The following KDM4C variants were observed in gnomAD, a reference collection of about 807,000 sequenced individuals.
The protein encoded by KDM4C is lysine-specific demethylase 4C.
A neutral mutation model predicts 129.3 loss-of-function variants in KDM4C; 81 were observed. The observed-to-expected ratio is 0.63, with a 90% confidence interval of 0.52 to 0.75. KDM4C has a LOEUF of 0.75. Among genes scored for constraint, KDM4C ranks in the 30% least tolerant of loss-of-function variants. KDM4C has a pLI of 0.00. For synonymous variants in KDM4C, 573 were observed against 456.1 expected, an observed-to-expected ratio of 1.26 and a Z score of -3.26; for missense variants, 1,457 against 1,304.0, an observed-to-expected ratio of 1.12 and a Z score of -1.81.
At chr9:7,052,894 A>AGAGAGAGAGAGAGCGAGAGC (rs1339242817) in intron 17 of KDM4C, among the ~76,000 whole-genome samples, 4 of 105,466 alleles carry the variant, frequency 3.8e-5, no homozygotes, top group South Asian at 7.5e-4. Context: ...AGAGAGAGAG[A>AGAGAGAGAGAGAGCGAGAGC]GAGAGAGCGA....
rs772278177 is a variant in KDM4C, at chr9:7,049,171, G to A, written c.2395G>A (p.Gly799Ser). 1 of 1,609,292 alleles carries A rather than the reference G, an allele frequency of 6.2e-7. No homozygotes were observed. Among genetic ancestry groups the A allele is most frequent in the Admixed American group, 1.7e-5 (1 of 59,874 alleles). Residue 799 changes from glycine (G) to serine (S), a missense_variant, in exon 17 of 22, where the codon GGC (glycine) becomes AGC (serine). By Grantham distance (56) the Gly-to-Ser change is moderately conservative (BLOSUM62 0). Coordinates refer to ENST00000381309, the MANE Select transcript of KDM4C (RefSeq NM_015061.6). Reference protein sequence around the residue: ...NVPERTQIDVGRIPLQRLKLK... With the variant: ...NVPERTQIDVSRIPLQRLKLK... The stretch of plus-strand genomic sequence containing the variant: ...CCCAGAAAGGACACAAATAGATGTA[G>A]GCAGAATACCTTTACAGAGGTTAAA...
upstream of KDM4C, among the ~76,000 whole-genome samples, chr9:6,755,257 G>C (rs113455905): frequency 3.6e-3 from 555 of 152,318 alleles, 3 homozygotes; most frequent in African/African-American, 0.013. Context: ...TGTAGTCCCA[G>C]CTACTTGGGA....
At chr9:6,862,061 C>T (rs113993096) in intron 5 of KDM4C, among the ~76,000 whole-genome samples, 2,342 of 152,206 alleles carry the variant, frequency 0.015, 65 homozygotes, top group African/African-American at 0.053. Flanking sequence ...TGTGAGCCAA[C>T]GCGCCTGACC....
chr9:6,981,766 AC>A lies in KDM4C; in HGVS notation c.1115+650del, dbSNP rs1816801522. 11 of 192,476 alleles carry A rather than the reference AC, an allele frequency of 5.7e-5. No individual in the cohort carries two copies. The South Asian group carries it at 1.1e-3, about 19-fold the overall frequency. The allele number at this position is 192,476 out of a possible 1,614,324, so 11.9% of individuals were successfully genotyped here. On this transcript the variant is annotated intron_variant, in intron 9 of 21. Transcript: ENST00000381309. ...GTGGTGTTGCTCAGGTCCTTAGGCT[AC>A]CTTTTAAGGGTCTTATGTTTTCCAA...
intron 4 of KDM4C, among the ~76,000 whole-genome samples, chr9:6,832,450 G>C (rs1283905318): frequency 7.1e-6 from 1 of 141,586 alleles, no homozygotes; most frequent in African/African-American, 2.6e-5. Context: ...TTTTGAGGTG[G>C]AGTCTCGCTC....
chr9:6,756,907 A>C (rs190190508), upstream of KDM4C, among the ~76,000 whole-genome samples: 8 of 152,348 alleles, frequency 5.3e-5, no homozygotes, highest in Non-Finnish European at 1.0e-4. Flanking sequence ...TTCTGTTATC[A>C]GTATAATGTA....
chr9:6,907,811 A>G (rs1818590260), intron 8 of KDM4C, among the ~76,000 whole-genome samples: 1 of 152,216 alleles, frequency 6.6e-6, no homozygotes, highest in African/African-American at 2.4e-5. Context: ...AACAGCCTGA[A>G]ATTTTGTATT....
At chr9:6,995,575 T>TA (rs1245088275) in intron 12 of KDM4C, among the ~76,000 whole-genome samples, 2 of 152,262 alleles carry the variant, frequency 1.3e-5, no homozygotes, top group Non-Finnish European at 1.5e-5. Context: ...GGTTAAGTGG[T>TA]AAAATACAGT....
chr9:7,158,099 C>T (rs913895054), intron 19 of KDM4C, among the ~76,000 whole-genome samples: 3 of 152,006 alleles, frequency 2.0e-5, no homozygotes, highest in African/African-American at 7.3e-5. Flanking sequence ...TCTTTGTGTC[C>T]AGGAATTTAT....
intron 8 of KDM4C, among the ~76,000 whole-genome samples, chr9:6,950,926 A>G (rs1052563218): frequency 6.6e-6 from 1 of 152,200 alleles, no homozygotes; most frequent in African/African-American, 2.4e-5. Flanking sequence ...AGATAACAGA[A>G]AATACTTGAA....
rs559308978 is a variant in KDM4C, at chr9:6,986,945, A to G, written c.1677+279A>G. 5.6e-4 allele frequency: 189 copies of G among 336,236 alleles called. No homozygotes were observed. In the Middle Eastern group the frequency reaches 8.0e-3, roughly 14 times the overall value. The allele number at this position is 336,236 out of a possible 1,614,324, so 20.8% of individuals were successfully genotyped here. A position where few individuals can be genotyped will look rare whatever the true frequency, so the allele number is the denominator to read the frequency against. ...AAACTCTTTACTTTGAGGTAATTGT[A>G]GACTCGTATGCAGTTGTGGGAAATA... On this transcript the variant is annotated intron_variant, in intron 11 of 21. Transcript: ENST00000381309.
At chr9:7,059,538 A>C (rs931451078) in intron 17 of KDM4C, among the ~76,000 whole-genome samples, 4 of 152,240 alleles carry the variant, frequency 2.6e-5, no homozygotes, top group Non-Finnish European at 1.5e-5. Context: ...CATTACCTTT[A>C]GGAACTACCA....
Position 6,893,363 on chromosome 9 carries a change from T to G in KDM4C, c.921+131T>G, listed in dbSNP as rs1846378413. The stretch of plus-strand genomic sequence containing the variant: ...GCCATGTGCCTCTCACCACAGCAAT[T>G]CACTTCAGGCTCGATACATTTATTT... On this transcript the variant is annotated intron_variant, in intron 8 of 21. Transcript: ENST00000381309. 5.0e-6 allele frequency: 3 copies of G among 599,168 alleles called. No homozygotes were observed. The African/African-American group carries it at 5.8e-5, about 12-fold the overall frequency. The allele number at this position is 599,168 out of a possible 1,614,324, so 37.1% of individuals were successfully genotyped here.
At chr9:6,807,795 G>C (rs967065171) in intron 3 of KDM4C, among the ~76,000 whole-genome samples, 2 of 149,312 alleles carry the variant, frequency 1.3e-5, no homozygotes, top group East Asian at 2.0e-4. Context: ...GGAGGTGGGG[G>C]GGGGGTCAGC....
chr9:7,043,094 GTTTC>G (rs1164245195), intron 15 of KDM4C, among the ~76,000 whole-genome samples: 25 of 152,006 alleles, frequency 1.6e-4, no homozygotes, highest in Non-Finnish European at 3.1e-4. Context: ...TTGAATCTGA[GTTTC>G]TTTATCTATT....
At chr9:6,834,959 T>A in intron 4 of KDM4C, 17 of 1,024,000 alleles carry the variant, frequency 1.7e-5, no homozygotes, top group Non-Finnish European at 2.6e-5. Context: ...CTGCGAGGGA[T>A]ATGCCCTCCC....
At chr9:7,006,516 G>A (rs1404292754) in intron 12 of KDM4C, among the ~76,000 whole-genome samples, 1 of 152,002 alleles carries the variant, frequency 6.6e-6, no homozygotes, top group African/African-American at 2.4e-5. Context: ...TGGCAAGCAG[G>A]GAGAATAGCT....
At chr9:7,001,590 G>A (rs1243577753) in intron 12 of KDM4C, among the ~76,000 whole-genome samples, 1 of 152,178 alleles carries the variant, frequency 6.6e-6, no homozygotes, top group Non-Finnish European at 1.5e-5. Context: ...ATCTTCCTTA[G>A]TTGGTGTGAT....
chr9:7,114,529 G>A lies in KDM4C; in HGVS notation c.2610+10659G>A, dbSNP rs147306677. Among the ~76,000 whole-genome samples the A allele has an allele frequency of 2.4e-3, 364 of 152,252 alleles. 2 individuals carry two copies. Among genetic ancestry groups the A allele is most frequent in the Admixed American group, 7.2e-3 (110 of 15,296 alleles). ...TCTCTCAAAATACGGTTTTAGTTCT[G>A]TGTGGAATAATGTGGTTTCAGGAGA... On this transcript the variant is annotated intron_variant, in intron 18 of 21. Transcript: ENST00000381309.
Sources: allele counts gnomAD v4.1 joint callset (sites outside exome capture counted in the v4.1 genomes callset), GRCh38; gene constraint gnomAD v4.1.1; transcripts MANE v1.5; gene names NCBI Gene and HGNC (gene_info 2026-07-23, HGNC 2026-07-21).